The following ZNF804A variants were observed in gnomAD, a reference collection of about 807,000 sequenced individuals.
ZNF804A encodes zinc finger protein 804A.
A neutral mutation model predicts 16.5 loss-of-function variants in ZNF804A; 2 were observed. That is an observed-to-expected ratio of 0.12 (90% CI 0.05 to 0.38). The LOEUF (loss-of-function observed/expected upper bound fraction) is 0.38, where lower values mean the gene tolerates loss of function less well. Ranked by LOEUF, ZNF804A falls within the 10% of genes least tolerant of loss-of-function variation. ZNF804A has a pLI of 0.99. For missense variants in ZNF804A, 1,473 were observed against 1,390.7 expected (o/e 1.06, Z -0.94); for synonymous variants, 534 against 489.6 (o/e 1.09, Z -1.20).
rs1319683795 is a variant in ZNF804A, at chr2:184,938,636, T to C, written c.3240T>C (p.Pro1080=). ...CTGCCCTCCCACCCCCTAGCACACC[T>C]CTGCAGCCTTTGCCTTTGCAGCAGT... ...PPAALPPPST[P]LQPLPLQQSL... is the part of the protein sequence containing the mutation. Residue 1080 remains proline (P), a synonymous_variant, in exon 4 of 4, where the codon CCT becomes CCC. Coordinates refer to ENST00000302277, the MANE Select transcript of ZNF804A (RefSeq NM_194250.2). 1 of 1,613,940 alleles carries C rather than the reference T, an allele frequency of 6.2e-7. No individual in the cohort carries two copies. The highest frequency in any genetic ancestry group is 8.5e-7 in the Non-Finnish European group (1 of 1,179,964).
chr2:184,780,643 T>C (rs1365182217), intron 1 of ZNF804A, among the ~76,000 whole-genome samples: 2 of 151,796 alleles, frequency 1.3e-5, no homozygotes, highest in African/African-American at 4.8e-5. Context: ...GCAAGGTTTT[T>C]GACACCAGAG....
chr2:184,746,839 G>A (rs1216068159), intron 1 of ZNF804A, among the ~76,000 whole-genome samples: 2 of 151,174 alleles, frequency 1.3e-5, no homozygotes, highest in Non-Finnish European at 3.0e-5. Context: ...TTCATTTAAC[G>A]TAATGTTCTC....
intron 1 of ZNF804A, among the ~76,000 whole-genome samples, chr2:184,848,402 G>C (rs1307526611): frequency 6.6e-6 from 1 of 151,754 alleles, no homozygotes; most frequent in African/African-American, 2.4e-5. Flanking sequence ...AATGCCCAAA[G>C]GTATTCTATC....
At chr2:184,878,076 C>G (rs1336645440) in intron 2 of ZNF804A, among the ~76,000 whole-genome samples, 1 of 152,098 alleles carries the variant, frequency 6.6e-6, no homozygotes, top group Non-Finnish European at 1.5e-5. Flanking sequence ...ATATCAATCT[C>G]AATTTGACAG....
chr2:184,914,993 G>T (rs1685421963), intron 2 of ZNF804A, among the ~76,000 whole-genome samples: 1 of 151,614 alleles, frequency 6.6e-6, no homozygotes, highest in South Asian at 2.1e-4. Context: ...TCATATATAT[G>T]AAAATATAAT....
intron 1 of ZNF804A, among the ~76,000 whole-genome samples, chr2:184,719,960 T>A (rs376068777): frequency 7.2e-5 from 11 of 152,308 alleles, no homozygotes; most frequent in African/African-American, 2.6e-4. Flanking sequence ...TTATTTTGTT[T>A]TTACACTGCT....
intron 1 of ZNF804A, among the ~76,000 whole-genome samples, chr2:184,606,130 G>A (rs1691140536): frequency 6.6e-6 from 1 of 152,092 alleles, no homozygotes; most frequent in African/African-American, 2.4e-5. Context: ...TAAACATGAT[G>A]GCTAGTTTTA....
intron 1 of ZNF804A, among the ~76,000 whole-genome samples, chr2:184,814,298 T>A (rs1694944649): frequency 1.3e-5 from 2 of 152,008 alleles, no homozygotes; most frequent in South Asian, 4.1e-4. Flanking sequence ...ATTAAAAAAG[T>A]CTCTAGCCTG....
chr2:184,864,875 A>ATTTTTGTTTTTTTTTTTTT (rs1695850941), intron 1 of ZNF804A, among the ~76,000 whole-genome samples: 1 of 105,482 alleles, frequency 9.5e-6, no homozygotes, highest in African/African-American at 4.5e-5. Flanking sequence ...TATAGTTAGG[A>ATTTTTGTTTTTTTTTTTTT]TTTTTTTTTT....
At chr2:184,763,631 T>C (rs1574200639) in intron 1 of ZNF804A, among the ~76,000 whole-genome samples, 2 of 4,556 alleles carry the variant, frequency 4.4e-4, no homozygotes, top group African/African-American at 6.1e-4. Flanking sequence ...TTCAAAGTGC[T>C]TTTTTTTTTT....
At position 184,938,063 on chromosome 2, in the gene ZNF804A, T is replaced by A. The variant is rs145687850; in HGVS notation, c.2667T>A (p.Ser889=). 3.1e-6 allele frequency: 5 copies of A among 1,613,988 alleles called. No individual in the cohort carries two copies. The African/African-American group carries it at 5.3e-5, about 17-fold the overall frequency. ...LSFHPNNLLP[S]ETNGETEHLE... ...TCCACCCTAACAATCTCCTTCCTTC[T>A]GAAACCAATGGTGAAACTGAGCATT... The change falls in exon 4 of 4, where the codon TCT becomes TCA. Residue 889 remains serine (S), a synonymous_variant. Coordinates refer to ENST00000302277, the MANE Select transcript of ZNF804A (RefSeq NM_194250.2).
rs191971273 is a variant in ZNF804A at position 184,681,061 on chromosome 2, C to G, written c.111+81991C>G. On this transcript the variant is annotated intron_variant, in intron 1 of 3. Coordinates refer to ENST00000302277, the MANE Select transcript of ZNF804A (RefSeq NM_194250.2). ...TGGCTGGACCCCACGCTCACTCGCT[C>G]ACATACCCCTTGCTGCTATGTTCCT... 2.4e-3 allele frequency among the ~76,000 whole-genome samples: 368 copies of G among 152,340 alleles called. 3 individuals carry two copies. Among genetic ancestry groups the G allele is most frequent in the Non-Finnish European group, 4.2e-3 (287 of 68,026 alleles).
At chr2:184,615,906 T>C (rs1427150) in intron 1 of ZNF804A, among the ~76,000 whole-genome samples, 34,242 of 151,980 alleles carry the variant, frequency 0.23, 4,135 homozygotes, top group South Asian at 0.32. Flanking sequence ...CAGTGAAAAG[T>C]TCCTGGGCCT....
chr2:184,919,599 G>C (rs1331886625), intron 2 of ZNF804A, among the ~76,000 whole-genome samples: 2 of 152,184 alleles, frequency 1.3e-5, no homozygotes, highest in African/African-American at 4.8e-5. Flanking sequence ...ATTCACAGAA[G>C]TCTATCCACA....
chr2:184,921,951 T>C (rs1160680869), intron 2 of ZNF804A, among the ~76,000 whole-genome samples: 1 of 152,140 alleles, frequency 6.6e-6, no homozygotes, highest in Non-Finnish European at 1.5e-5. Context: ...ACAGGATCTC[T>C]GTATTTTCTA....
At chr2:184,688,875 A>G (rs1162570687) in intron 1 of ZNF804A, among the ~76,000 whole-genome samples, 1 of 152,206 alleles carries the variant, frequency 6.6e-6, no homozygotes, top group Non-Finnish European at 1.5e-5. Flanking sequence ...GAAATGAATT[A>G]TAGACTGCAG....
intron 1 of ZNF804A, among the ~76,000 whole-genome samples, chr2:184,862,626 T>A (rs62200787): frequency 0.091 from 13,889 of 152,102 alleles, 835 homozygotes; most frequent in East Asian, 0.2. Flanking sequence ...ATCATATGAG[T>A]CTTTTATCAT....
intron 1 of ZNF804A, among the ~76,000 whole-genome samples, chr2:184,722,990 T>A (rs545971620): frequency 2.6e-4 from 40 of 152,024 alleles, no homozygotes; most frequent in Middle Eastern, 3.4e-3. Flanking sequence ...AATTTAAGAA[T>A]ATATTACTGT....
chr2:184,914,754 G>A (rs11899441), intron 2 of ZNF804A, among the ~76,000 whole-genome samples: 15 of 151,790 alleles, frequency 9.9e-5, no homozygotes, highest in East Asian at 1.9e-4. Context: ...ATATTTACAC[G>A]TATATAGCAT....
Sources: allele counts gnomAD v4.1 joint callset (sites outside exome capture counted in the v4.1 genomes callset), GRCh38; gene constraint gnomAD v4.1.1; transcripts MANE v1.5; gene names NCBI Gene and HGNC (gene_info 2026-07-23, HGNC 2026-07-21).